The following TENM2 variants were observed in gnomAD, a reference collection of about 807,000 sequenced individuals.
TENM2 encodes the protein teneurin transmembrane protein 2.
Under a neutral mutation model 245.2 loss-of-function variants are expected in TENM2, and 52 were observed. The observed-to-expected ratio is 0.21, with a 90% CI of 0.17 to 0.27. The LOEUF is 0.27. Among genes scored for constraint, TENM2 ranks in the 10% least tolerant of loss-of-function variants. The pLI, the probability that TENM2 is intolerant of heterozygous loss-of-function variation, is 1.00. For synonymous variants in TENM2, 1,363 were observed against 1,438.9 expected (o/e 0.95, Z 1.19); for missense variants, 3,046 against 3,666.8 (o/e 0.83, Z 4.37).
intron 2 of TENM2, among the ~76,000 whole-genome samples, chr5:167,718,767 G>A (rs1415116579): frequency 6.6e-6 from 1 of 151,996 alleles, no homozygotes; most frequent in African/African-American, 2.4e-5. Flanking sequence ...CAATAGTTTG[G>A]GTTGGATTTT....
intron 3 of TENM2, among the ~76,000 whole-genome samples, chr5:167,912,075 C>T (rs1340638786): frequency 6.6e-6 from 1 of 152,150 alleles, no homozygotes; most frequent in African/African-American, 2.4e-5. Context: ...ACTATAATCA[C>T]CATGTTGTAC....
intron 2 of TENM2, among the ~76,000 whole-genome samples, chr5:167,848,336 G>A (rs1298991018): frequency 6.6e-6 from 1 of 152,192 alleles, no homozygotes; most frequent in Admixed American, 6.5e-5. Flanking sequence ...AATGAAATAA[G>A]AGGGCATGGT....
chr5:167,784,364 T>C (rs1298597996), intron 2 of TENM2, among the ~76,000 whole-genome samples: 2 of 152,198 alleles, frequency 1.3e-5, no homozygotes, highest in Admixed American at 6.5e-5. Context: ...CCATAGAATG[T>C]ATGTAGTGAA....
At position 168,259,301 on chromosome 5, in the gene TENM2, G is replaced by A. The variant is rs117474802; in HGVS notation, c.7433-982G>A. Reference sequence around the variant, plus strand: ...TTGGTTTCTCTTTAAAGAGTAGGAAGGCTGGGCCGGGCACGGTGGCTCATG... The same window carrying A: ...TTGGTTTCTCTTTAAAGAGTAGGAAAGCTGGGCCGGGCACGGTGGCTCATG... On this transcript the variant is annotated intron_variant, in intron 27 of 28. Coordinates refer to ENST00000518659, the Ensembl canonical transcript of TENM2. Among the ~76,000 whole-genome samples the A allele has an allele frequency of 2.6e-4, 39 of 152,044 alleles. 1 individual carries two copies. The East Asian group carries it at 7.4e-3, about 29-fold the overall frequency.
chr5:167,277,042 T>C, the TENM2 span, among the ~76,000 whole-genome samples: 2 of 152,200 alleles, frequency 1.3e-5, no homozygotes, highest in African/African-American at 2.4e-5. Context: ...GTCATTCTTA[T>C]TGATCTTTTC....
intron 3 of TENM2, among the ~76,000 whole-genome samples, chr5:167,912,116 A>C (rs1776600675): frequency 6.6e-6 from 1 of 152,130 alleles, no homozygotes; most frequent in Non-Finnish European, 1.5e-5. Flanking sequence ...TCCTCATTCC[A>C]ATTGAAATTT....
At position 167,720,593 on chromosome 5, in the gene TENM2, C is replaced by A. The variant is rs1759561960; in HGVS notation, c.503-155393C>A. On this transcript the variant is annotated intron_variant, in intron 2 of 28. Coordinates refer to ENST00000518659, the Ensembl canonical transcript of TENM2. ...GAGTAGTTATAGCAGATGCTCACAT[C>A]AGATTGCTGTGTTTGTAAAAGGATT... Among the ~76,000 whole-genome samples, 4 of 152,312 alleles carry A rather than the reference C, an allele frequency of 2.6e-5. No homozygotes were observed. The South Asian group carries it at 8.3e-4, about 32-fold the overall frequency.
chr5:167,952,498 CTT>C (rs1444620699), intron 3 of TENM2, 88 bp from the exon 6 acceptor site: 1 of 1,101,772 alleles, frequency 9.1e-7, no homozygotes, highest in Non-Finnish European at 1.3e-6. Context: ...AGCTTAGAGA[CTT>C]TGGTTTGAAA....
chr5:168,088,044 G>A (rs1207800555), intron 7 of TENM2, among the ~76,000 whole-genome samples: 2 of 152,154 alleles, frequency 1.3e-5, no homozygotes, highest in Non-Finnish European at 2.9e-5. Context: ...GCTGGACGGT[G>A]AGCACTGCCA....
At chr5:168,140,384 G>A (rs748005621) in intron 12 of TENM2, among the ~76,000 whole-genome samples, 1 of 152,160 alleles carries the variant, frequency 6.6e-6, no homozygotes, top group Non-Finnish European at 1.5e-5. Context: ...AGAAGCGTGG[G>A]CAGGATTTCC....
At chr5:167,124,381 A>G in the TENM2 span, among the ~76,000 whole-genome samples, 1 of 152,086 alleles carries the variant, frequency 6.6e-6, no homozygotes. Context: ...TTGAGATGTA[A>G]TTATTTATGG....
At chr5:167,317,551 G>C (rs544160018) in intron 1 of TENM2, among the ~76,000 whole-genome samples, 1 of 152,086 alleles carries the variant, frequency 6.6e-6, no homozygotes. Flanking sequence ...TGTGCTCAAC[G>C]GAAATTTTCC....
chr5:167,840,753 C>T (rs1050271156), intron 2 of TENM2, among the ~76,000 whole-genome samples: 3 of 152,096 alleles, frequency 2.0e-5, no homozygotes, highest in Admixed American at 6.5e-5. Flanking sequence ...AGGACCACCT[C>T]GAGATAAGAT....
the TENM2 span, among the ~76,000 whole-genome samples, chr5:167,123,972 G>A: frequency 6.6e-6 from 1 of 152,174 alleles, no homozygotes; most frequent in Non-Finnish European, 1.5e-5. Context: ...CCCTGAATGA[G>A]TAAAAGTACA....
intron 5 of TENM2, among the ~76,000 whole-genome samples, chr5:168,022,414 CCTAA>C (rs1399733732): frequency 3.3e-5 from 5 of 152,210 alleles, no homozygotes; most frequent in East Asian, 3.9e-4. Flanking sequence ...AGTGCCAAGC[CCTAA>C]CTGTCTCCCA....
chr5:167,460,112 G>A (rs902620333), intron 2 of TENM2, among the ~76,000 whole-genome samples: 1 of 152,092 alleles, frequency 6.6e-6, no homozygotes, highest in African/African-American at 2.4e-5. Context: ...TCACATCTGA[G>A]TTTAGAATAC....
chr5:167,054,068 A>C, the TENM2 span, among the ~76,000 whole-genome samples: 2 of 152,182 alleles, frequency 1.3e-5, no homozygotes, highest in African/African-American at 4.8e-5. Flanking sequence ...CATAGTTTAC[A>C]TAAGGGTCCA....
intron 14 of TENM2, among the ~76,000 whole-genome samples, chr5:168,191,384 C>G (rs2152511730): frequency 6.6e-6 from 1 of 152,240 alleles, no homozygotes; most frequent in Non-Finnish European, 1.5e-5. Flanking sequence ...GGCTGGGGGT[C>G]TTCTTATGGC....
chr5:167,088,413 G>C, the TENM2 span, among the ~76,000 whole-genome samples: 1 of 152,034 alleles, frequency 6.6e-6, no homozygotes, highest in Non-Finnish European at 1.5e-5. Context: ...GATCACCTGA[G>C]GTCAGGAGTT....
Sources: allele counts gnomAD v4.1 joint callset (sites outside exome capture counted in the v4.1 genomes callset), GRCh38; gene constraint gnomAD v4.1.1; transcripts MANE v1.5; gene names NCBI Gene and HGNC (gene_info 2026-07-23, HGNC 2026-07-21).